LCA5: variants seen among roughly 807,000 people sequenced by gnomAD.
LCA5 encodes the protein lebercilin.
LCA5 carries 37 observed loss-of-function variants against 53.0 expected under a neutral mutation model. The ratio of observed to expected loss-of-function variants is 0.70; its 90% CI spans 0.54 to 0.92. The LOEUF (loss-of-function observed/expected upper bound fraction) is 0.92. Among genes scored for constraint, LCA5 ranks in the 40% least tolerant of loss-of-function variants. The pLI, the probability that LCA5 is intolerant of heterozygous loss-of-function variation, is 0.00. For missense variants in LCA5, 806 were observed against 790.5 expected, an observed-to-expected ratio of 1.02 and a Z score of -0.23; for synonymous variants, 303 against 282.9, an observed-to-expected ratio of 1.07 and a Z score of -0.71.
At chr6:79,493,531 G>A in intron 4 of LCA5, 82 bp downstream of exon 4, 2 of 1,267,396 alleles carry the variant, frequency 1.6e-6, no homozygotes, top group Non-Finnish European at 2.3e-6. Context: ...TTACAAATAT[G>A]AATAGTAACA....
At position 79,493,741 on chromosome 6, in the gene LCA5, T is replaced by G. The variant is rs748135993; in HGVS notation, c.730A>C (p.Lys244Gln). Residue 244 changes from lysine to glutamine, a missense_variant, in exon 4 of 8, where the codon AAA (lysine) becomes CAA (glutamine). Physicochemically the swap from Lys to Gln is moderately conservative, Grantham distance 53. Coordinates refer to ENST00000369846, the MANE Select transcript of LCA5 (RefSeq NM_001122769.3). Reference sequence around the variant, plus strand: ...CTGTTAGTACTCAGTTCAAGGTTTTTCGATAGCTCCTATATGTATAAATAC... The same window carrying G: ...CTGTTAGTACTCAGTTCAAGGTTTTGCGATAGCTCCTATATGTATAAATAC... ...DTERRIKELS[K>Q]NLELSTNSFQ... is the part of the protein sequence containing the mutation. 4 of 1,612,702 alleles carry G rather than the reference T, an allele frequency of 2.5e-6. No individual in the cohort carries two copies. The highest frequency in any genetic ancestry group is 3.4e-6 in the Non-Finnish European group (4 of 1,179,194).
chr6:79,534,462 G>A (rs78477693), intron 1 of LCA5, among the ~76,000 whole-genome samples: 2,016 of 152,080 alleles, frequency 0.013, 51 homozygotes, highest in African/African-American at 0.046. Flanking sequence ...CCTATGAAAT[G>A]TCAGGCGCTA....
intron 3 of LCA5, among the ~76,000 whole-genome samples, chr6:79,495,583 C>A (rs1769960016): frequency 6.6e-6 from 1 of 151,910 alleles, no homozygotes; most frequent in Non-Finnish European, 1.5e-5. Flanking sequence ...AATCCCGTCT[C>A]TACTAAAAAT....
intron 3 of LCA5, among the ~76,000 whole-genome samples, chr6:79,496,165 C>T (rs563324800): frequency 3.3e-5 from 5 of 152,156 alleles, no homozygotes; most frequent in Non-Finnish European, 7.4e-5. Flanking sequence ...ATGTCTTAAA[C>T]TGGAAAAACT....
rs141189333 is a variant in LCA5, at chr6:79,526,530, C to A, written c.-191-7445G>T. On this transcript the variant is annotated intron_variant, in intron 1 of 7. Transcript: ENST00000369846. ...CTGCACTCCAGCCTGGGCGACAGAG[C>A]GAGACACCGTCTCAAAAAACAAAAC... Among the ~76,000 whole-genome samples, 514 of 152,136 alleles carry A rather than the reference C, an allele frequency of 3.4e-3. 4 individuals are homozygous for A. Among genetic ancestry groups the A allele is most frequent in the African/African-American group, 0.012 (506 of 41,494 alleles).
chr6:79,487,975 T>C (rs1769720902), intron 7 of LCA5, 109 bp from the exon 8 acceptor site: 2 of 853,984 alleles, frequency 2.3e-6, no homozygotes, highest in South Asian at 3.3e-5. Flanking sequence ...GTATTATAAA[T>C]CAAGTGAGAA....
intron 1 of LCA5, among the ~76,000 whole-genome samples, chr6:79,528,743 A>G (rs572404866): frequency 1.4e-3 from 207 of 152,286 alleles, no homozygotes; most frequent in African/African-American, 3.5e-3. Flanking sequence ...AGACTCATCA[A>G]TTATACTCAG....
Position 79,513,566 on chromosome 6 carries a change from G to C in LCA5, c.366C>G (p.Leu122=), listed in dbSNP as rs766335747. The part of the protein sequence containing the change: ...INELQNEVSE[L]QVKLAELLKE... Reference sequence around the variant, plus strand: ...TTAGCAGCTCAGCTAACTTGACCTGGAGTTCAGATACTTCATTCTGCAACT... The same window carrying C: ...TTAGCAGCTCAGCTAACTTGACCTGCAGTTCAGATACTTCATTCTGCAACT... The change falls in exon 3 of 8, where the codon CTC becomes CTG. Residue 122 remains leucine (L), a synonymous_variant. Transcript: ENST00000369846. 8.7e-6 allele frequency: 14 copies of C among 1,613,664 alleles called. No individual in the cohort carries two copies. The highest frequency in any genetic ancestry group is 1.1e-5 in the Non-Finnish European group (13 of 1,179,840).
Position 79,492,619 on chromosome 6 carries a change from T to A in LCA5, c.887A>T (p.Asn296Ile). Residue 296 changes from asparagine (N) to isoleucine (I), a missense_variant, in exon 5 of 8, where the codon AAT (asparagine) becomes ATT (isoleucine). Transcript: ENST00000369846. ...CTTTGGCAGACGATTAGAATATATA[T>A]TTTTTATATCCAGTTCTCTCTCCTT... ...KEKERELDIK[N>I]IYSNRLPKSS... is the part of the protein sequence containing the mutation. The A allele has an allele frequency of 1.3e-6, 2 of 1,554,544 alleles. No homozygotes were observed. The highest frequency in any genetic ancestry group is 1.8e-6 in the Non-Finnish European group (2 of 1,133,006).
At chr6:79,501,350 T>C (rs1770134115) in intron 3 of LCA5, among the ~76,000 whole-genome samples, 1 of 152,072 alleles carries the variant, frequency 6.6e-6, no homozygotes. Flanking sequence ...GTGCCAAATG[T>C]TGCAAATAAA....
intron 3 of LCA5, among the ~76,000 whole-genome samples, chr6:79,508,034 G>C (rs1226467299): frequency 6.6e-6 from 1 of 152,076 alleles, no homozygotes; most frequent in African/African-American, 2.4e-5. Flanking sequence ...ACATTGACAG[G>C]ACTTTATTCA....
At chr6:79,521,191 A>G (rs949032035) in intron 1 of LCA5, among the ~76,000 whole-genome samples, 2 of 152,218 alleles carry the variant, frequency 1.3e-5, no homozygotes, top group Non-Finnish European at 2.9e-5. Flanking sequence ...AGAGTTTAGG[A>G]AAAGGGATAG....
chr6:79,501,955 T>C (rs923440510), intron 3 of LCA5, among the ~76,000 whole-genome samples: 10 of 151,936 alleles, frequency 6.6e-5, no homozygotes, highest in Non-Finnish European at 1.2e-4. Context: ...ATATAGCATA[T>C]TTTCATGCAC....
chr6:79,496,601 C>G (rs561141829), intron 3 of LCA5, among the ~76,000 whole-genome samples: 1 of 152,132 alleles, frequency 6.6e-6, no homozygotes, highest in East Asian at 1.9e-4. Flanking sequence ...TATGACTCCA[C>G]GTATATAAAA....
At position 79,486,209 on chromosome 6, in the gene LCA5, T is replaced by C. The variant is rs768283365; in HGVS notation, c.*795A>G. 3.3e-5 allele frequency: 5 copies of C among 152,158 alleles called. No homozygotes were observed. The highest frequency in any genetic ancestry group is 7.4e-5 in the Non-Finnish European group (5 of 68,022). The allele number at this position is 152,158 out of a possible 1,614,324, so 9.4% of individuals were successfully genotyped here. A position where few individuals can be genotyped will look rare whatever the true frequency, so the allele number is the denominator to read the frequency against. On this transcript the variant is annotated 3_prime_UTR_variant, in exon 8 of 8. Transcript: ENST00000369846. The stretch of plus-strand genomic sequence containing the variant: ...GTTGGTATGTATTTCCACTATTCCT[T>C]GCATTTGGCATGAAATCTTACACCC...
At chr6:79,501,998 G>T (rs1467656529) in intron 3 of LCA5, among the ~76,000 whole-genome samples, 1 of 151,996 alleles carries the variant, frequency 6.6e-6, no homozygotes, top group African/African-American at 2.4e-5. Flanking sequence ...GCAGTGGGGG[G>T]AAGAAAGTAA....
intron 3 of LCA5, among the ~76,000 whole-genome samples, chr6:79,499,025 G>T (rs1770059551): frequency 6.6e-6 from 1 of 152,028 alleles, no homozygotes; most frequent in African/African-American, 2.4e-5. Context: ...TGTAAAAATT[G>T]CATCACAACT....
chr6:79,499,937 A>C (rs1018950886), intron 3 of LCA5, among the ~76,000 whole-genome samples: 3 of 150,934 alleles, frequency 2.0e-5, no homozygotes, highest in African/African-American at 7.3e-5. Flanking sequence ...ATGAGTGAGA[A>C]TATGCGGTGT....
rs1009630373 is a variant in LCA5 at position 79,518,915 on chromosome 6, A to G, written c.-21T>C. ...CCCATTGTTTTGAAAAATGGTCTCT[A>G]TTCACATAATTTCACAGATTATTTT... On this transcript the variant is annotated 5_prime_UTR_variant, in exon 2 of 8. Transcript: ENST00000369846. The G allele has an allele frequency of 1.9e-6, 3 of 1,610,528 alleles. No homozygotes were observed. Among genetic ancestry groups the G allele is most frequent in the Admixed American group, 3.3e-5 (2 of 59,986 alleles).
Sources: gnomAD v4.1 joint callset for allele counts (sites outside exome capture counted in the v4.1 genomes callset) on GRCh38, gnomAD v4.1.1 for gene constraint, MANE v1.5 for transcripts, NCBI Gene and HGNC (gene_info 2026-07-23, HGNC 2026-07-21) for gene names.